The following TTC39C variants were observed in gnomAD, a reference collection of about 807,000 sequenced individuals.
TTC39C encodes the protein tetratricopeptide repeat protein 39C.
In TTC39C, 33 loss-of-function variants were observed where a neutral mutation model predicts 76.3. The observed-to-expected ratio is 0.43, with a 90% CI of 0.33 to 0.58. TTC39C has a LOEUF of 0.58. Ranked by LOEUF, TTC39C falls within the 20% of genes least tolerant of loss-of-function variation. The pLI, the probability that TTC39C is intolerant of heterozygous loss-of-function variation, is 0.04. For missense variants in TTC39C, 595 were observed against 701.4 expected, an observed-to-expected ratio of 0.85 and a Z score of 1.71; for synonymous variants, 254 against 260.6, an observed-to-expected ratio of 0.97 and a Z score of 0.24.
chr18:24,014,861 C>G lies in TTC39C; in HGVS notation c.-11C>G. ...ATCTCGCCTCGGCCCAGCGCAGGGC[C>G]TCGCACGCCCATGGCCGGCTCGGAG... On this transcript the variant is annotated 5_prime_UTR_variant, in exon 1 of 14. Coordinates refer to ENST00000317571, the MANE Select transcript of TTC39C (RefSeq NM_001135993.2). 1 of 1,340,652 alleles carries G rather than the reference C, an allele frequency of 7.5e-7. No individual in the cohort carries two copies. The allele number at this position is 1,340,652 out of a possible 1,614,324, so 83.0% of individuals were successfully genotyped here.
chr18:24,039,364 C>T (rs574223664), intron 1 of TTC39C, among the ~76,000 whole-genome samples: 11 of 152,126 alleles, frequency 7.2e-5, no homozygotes, highest in East Asian at 1.9e-4. Context: ...GTTCTGTGGC[C>T]GCACAAAGAG....
At chr18:24,125,386 G>A in intron 9 of TTC39C, 41 bp from the exon 10 acceptor site, 2 of 1,611,894 alleles carry the variant, frequency 1.2e-6, no homozygotes, top group Non-Finnish European at 1.7e-6. Context: ...ATTTGAATTT[G>A]TTTTTGAAAA....
At chr18:24,088,454 T>C (rs1055051252) in intron 6 of TTC39C, among the ~76,000 whole-genome samples, 5 of 152,194 alleles carry the variant, frequency 3.3e-5, no homozygotes, top group Admixed American at 6.5e-5. Flanking sequence ...GTATCGTCTG[T>C]AGGGAGTCAA....
At chr18:24,030,251 C>A (rs902558905) in intron 1 of TTC39C, among the ~76,000 whole-genome samples, 2 of 151,992 alleles carry the variant, frequency 1.3e-5, no homozygotes, top group African/African-American at 4.8e-5. Context: ...AGATGAATTG[C>A]CTATTTATTT....
At position 24,107,773 on chromosome 18, in the gene TTC39C, T is replaced by C. The variant is rs554192762; in HGVS notation, c.985-6781T>C. 1.3e-4 allele frequency among the ~76,000 whole-genome samples: 20 copies of C among 152,346 alleles called. 1 individual carries two copies. In the East Asian group the frequency reaches 3.7e-3, roughly 28 times the overall value. On this transcript the variant is annotated intron_variant, in intron 6 of 13. Transcript: ENST00000317571. ...ACTAATACACTAACAAACTTTTGTT[T>C]TTGAGACAGGGTCTCCCTCTGCCAC...
chr18:24,074,651 A>G (rs1424168198), intron 4 of TTC39C, among the ~76,000 whole-genome samples: 1 of 152,194 alleles, frequency 6.6e-6, no homozygotes, highest in Non-Finnish European at 1.5e-5. Flanking sequence ...TCAGGAAACA[A>G]CAGGTGCTGG....
At chr18:24,122,212 G>T (rs1305371168) in intron 8 of TTC39C, among the ~76,000 whole-genome samples, 2 of 152,036 alleles carry the variant, frequency 1.3e-5, no homozygotes, top group Non-Finnish European at 2.9e-5. Context: ...ACTTTTAGGG[G>T]TGCTCAGGTA....
intron 1 of TTC39C, among the ~76,000 whole-genome samples, chr18:24,028,464 C>T (rs1456284306): frequency 6.6e-6 from 1 of 152,162 alleles, no homozygotes; most frequent in Non-Finnish European, 1.5e-5. Flanking sequence ...AGCTATTCTA[C>T]TAAAGTCTAG....
In TTC39C at chr18:24,116,119, C is replaced by T. The variant is rs565766346; in HGVS notation, c.1078+1472C>T. Among the ~76,000 whole-genome samples the T allele has an allele frequency of 2.6e-5, 4 of 152,322 alleles. No individual in the cohort carries two copies. The East Asian group carries it at 7.7e-4, about 29-fold the overall frequency. On this transcript the variant is annotated intron_variant, in intron 7 of 13. Coordinates refer to ENST00000317571, the MANE Select transcript of TTC39C (RefSeq NM_001135993.2). ...TTCCTGACTTATTCCTGAGTTATTCCTGACTTATTTCTGAGTTATTCCTTA... is the reference window on the plus strand; with the variant it reads ...TTCCTGACTTATTCCTGAGTTATTCTTGACTTATTTCTGAGTTATTCCTTA...
At chr18:24,077,458 G>A (rs989222823) in intron 4 of TTC39C, among the ~76,000 whole-genome samples, 8 of 152,152 alleles carry the variant, frequency 5.3e-5, no homozygotes, top group East Asian at 1.9e-4. Flanking sequence ...TCATCTCAGC[G>A]TTGTTTGTTT....
At chr18:23,996,138 G>A (rs575979726) in intron 1 of TTC39C, among the ~76,000 whole-genome samples, 1 of 152,252 alleles carries the variant, frequency 6.6e-6, no homozygotes, top group Non-Finnish European at 1.5e-5. Flanking sequence ...TTGGGGTTTA[G>A]TTTACATTTC....
chr18:24,103,731 C>T (rs2084708355), intron 6 of TTC39C, among the ~76,000 whole-genome samples: 1 of 150,784 alleles, frequency 6.6e-6, no homozygotes, highest in Non-Finnish European at 1.5e-5. Context: ...TGCCCCAGTC[C>T]CAGCCAACAC....
chr18:24,095,928 A>C (rs2084582810), intron 6 of TTC39C, among the ~76,000 whole-genome samples: 1 of 152,164 alleles, frequency 6.6e-6, no homozygotes, highest in Non-Finnish European at 1.5e-5. Context: ...CGTCTTAGGG[A>C]ATGGGGGGCC....
At chr18:23,998,990 T>C (rs946964741) in intron 1 of TTC39C, among the ~76,000 whole-genome samples, 3 of 152,232 alleles carry the variant, frequency 2.0e-5, no homozygotes, top group African/African-American at 7.2e-5. Context: ...TTTTCCAGCT[T>C]CTGTCCTGAA....
upstream of TTC39C, among the ~76,000 whole-genome samples, chr18:24,010,852 A>G (rs28587339): frequency 4.5e-3 from 685 of 152,286 alleles, 3 homozygotes; most frequent in African/African-American, 0.016. Context: ...GTTTGAGACC[A>G]GCTTGGACAA....
At chr18:24,125,907 G>T (rs1367285231) in intron 10 of TTC39C, among the ~76,000 whole-genome samples, 1 of 152,180 alleles carries the variant, frequency 6.6e-6, no homozygotes, top group Non-Finnish European at 1.5e-5. Context: ...CTAAAGTGTG[G>T]CCTGGTGGGG....
chr18:23,999,436 G>A (rs2083294704), intron 1 of TTC39C, among the ~76,000 whole-genome samples: 1 of 152,218 alleles, frequency 6.6e-6, no homozygotes, highest in Non-Finnish European at 1.5e-5. Flanking sequence ...GAGGAAGAGA[G>A]AGGAGCTTAT....
intron 1 of TTC39C, among the ~76,000 whole-genome samples, chr18:23,998,670 G>T (rs1342275300): frequency 1.3e-5 from 2 of 152,014 alleles, no homozygotes; most frequent in Admixed American, 1.3e-4. Context: ...GAAACTATAA[G>T]AATTTATAAA....
intron 4 of TTC39C, among the ~76,000 whole-genome samples, chr18:24,078,351 T>A (rs2084333655): frequency 6.6e-6 from 1 of 152,256 alleles, no homozygotes; most frequent in Admixed American, 6.5e-5. Context: ...CCTCCAGGTT[T>A]GATGACTTAC....
Sources: allele counts gnomAD v4.1 joint callset (sites outside exome capture counted in the v4.1 genomes callset), GRCh38; gene constraint gnomAD v4.1.1; transcripts MANE v1.5; gene names NCBI Gene and HGNC (gene_info 2026-07-23, HGNC 2026-07-21).